The following EFHB variants were observed in gnomAD, a reference collection of about 807,000 sequenced individuals.
EFHB encodes the protein EF-hand domain-containing family member B.
Under a neutral mutation model 87.2 loss-of-function variants are expected in EFHB, and 91 were observed. That is an observed-to-expected ratio of 1.04 (90% CI 0.88 to 1.24). The LOEUF is 1.24. Among genes scored for constraint, EFHB ranks in the 50% most tolerant of loss-of-function variants. The probability of loss-of-function intolerance (pLI) is 0.00; values close to 1 mark genes in which losing one functional copy is unlikely to be tolerated. For synonymous variants in EFHB, 325 were observed against 333.6 expected (o/e 0.97, Z 0.28); for missense variants, 1,084 against 998.8 (o/e 1.09, Z -1.15).
At chr3:19,927,861 A>G (rs939252065) in intron 1 of EFHB, among the ~76,000 whole-genome samples, 5 of 151,808 alleles carry the variant, frequency 3.3e-5, no homozygotes, top group Admixed American at 1.3e-4. Context: ...TTCCTTTTTC[A>G]GCTGTTTGAG....
intron 5 of EFHB, among the ~76,000 whole-genome samples, chr3:19,914,844 C>G (rs1575027765): frequency 6.6e-6 from 1 of 152,074 alleles, no homozygotes. Context: ...AATCCCAGCA[C>G]TTTCGGAGGC....
At chr3:19,941,864 A>T (rs1255771555) in intron 1 of EFHB, among the ~76,000 whole-genome samples, 1 of 149,018 alleles carries the variant, frequency 6.7e-6, no homozygotes, top group Non-Finnish European at 1.5e-5. Context: ...TCAAAAAAAA[A>T]AAAAAAAGGC....
intron 1 of EFHB, among the ~76,000 whole-genome samples, chr3:19,926,906 C>T (rs1404905712): frequency 2.0e-5 from 3 of 152,020 alleles, no homozygotes; most frequent in Non-Finnish European, 1.5e-5. Context: ...GTGATCCACC[C>T]GCCTCGGCCT....
In EFHB at chr3:19,884,490, G is replaced by C. The variant is rs768104080; in HGVS notation, c.2059C>G (p.Leu687Val). The change falls in exon 11 of 13, where the codon CTT (leucine) becomes GTT (valine). Residue 687 changes from leucine (L) to valine (V), a missense_variant. Transcript: ENST00000295824. ...AGSTEKTLRT[L>V]LRPSDKVSNY... The stretch of plus-strand genomic sequence containing the variant: ...GAAACTTTATCACTTGGTCTCAGAA[G>C]TGTCCGGAGAGTCTTTTCTGTGCTT... 7 of 1,613,886 alleles carry C rather than the reference G, an allele frequency of 4.3e-6. No homozygotes were observed. Among genetic ancestry groups the C allele is most frequent in the Non-Finnish European group, 5.1e-6 (6 of 1,179,900 alleles).
chr3:19,900,925 T>TAAA (rs1263102203), intron 6 of EFHB, among the ~76,000 whole-genome samples: 2 of 108,126 alleles, frequency 1.8e-5, no homozygotes, highest in African/African-American at 7.9e-5. Flanking sequence ...TGAGCCTGTC[T>TAAA]CAAAAAAAAA....
At chr3:19,886,653 GCAAA>G (rs1227813639) in intron 10 of EFHB, among the ~76,000 whole-genome samples, 2 of 132,200 alleles carry the variant, frequency 1.5e-5, no homozygotes, top group Admixed American at 8.0e-5. Context: ...TCCAGCCTGG[GCAAA>G]CAGAGTGAGA....
chr3:19,893,193 G>A (rs1318497798), intron 9 of EFHB, among the ~76,000 whole-genome samples: 1 of 151,922 alleles, frequency 6.6e-6, no homozygotes, highest in Non-Finnish European at 1.5e-5. Context: ...TCAGGTGATT[G>A]GCCTCCCAAA....
At chr3:19,921,277 G>A (rs1002341520) in intron 1 of EFHB, among the ~76,000 whole-genome samples, 11 of 151,284 alleles carry the variant, frequency 7.3e-5, no homozygotes, top group African/African-American at 2.7e-4. Flanking sequence ...TAAGTGTTGA[G>A]TGTGGAATTC....
At chr3:19,946,619 A>C (rs1343231096) in intron 1 of EFHB, among the ~76,000 whole-genome samples, 1 of 152,036 alleles carries the variant, frequency 6.6e-6, no homozygotes, top group Admixed American at 6.5e-5. Context: ...CTTGGGGTAA[A>C]TGCGATTTAG....
chr3:19,939,183 T>G (rs145282052), upstream of EFHB, among the ~76,000 whole-genome samples: 967 of 151,670 alleles, frequency 6.4e-3, 12 homozygotes, highest in African/African-American at 0.022. Flanking sequence ...CTGGATTACA[T>G]GCACGAGTCA....
At chr3:19,907,298 G>T (rs1694872425) in intron 5 of EFHB, among the ~76,000 whole-genome samples, 1 of 152,088 alleles carries the variant, frequency 6.6e-6, no homozygotes. Context: ...TCTGATAGAG[G>T]GTTAATATTC....
chr3:19,920,648 C>T (rs945480654), intron 1 of EFHB, 81 bp from the exon 2 acceptor site: 1 of 1,146,610 alleles, frequency 8.7e-7, no homozygotes, highest in South Asian at 1.5e-5. Context: ...TCAAACTTGT[C>T]CTATGCCTCT....
chr3:19,911,923 C>A (rs114478030), intron 5 of EFHB, among the ~76,000 whole-genome samples: 2,524 of 152,056 alleles, frequency 0.017, 64 homozygotes, highest in African/African-American at 0.056. Flanking sequence ...CTAGCCTGAG[C>A]AACATAGTGA....
chr3:19,920,201 C>G (rs540618420), intron 2 of EFHB, among the ~76,000 whole-genome samples: 48 of 152,212 alleles, frequency 3.2e-4, no homozygotes, highest in Middle Eastern at 3.4e-3. Context: ...GTGTCCTAAA[C>G]AACATATTTT....
In EFHB at chr3:19,898,660, T is replaced by C. The variant is rs1694563758; in HGVS notation, c.1570+118A>G. On this transcript the variant is annotated intron_variant, in intron 8 of 12. Transcript: ENST00000295824. ...TCTCATTAATGTTAATGCAACATTT[T>C]AAGTCTTTAAAATTAGAAGCTTTGA... The C allele has an allele frequency of 3.9e-6, 4 of 1,015,186 alleles. No individual in the cohort carries two copies. In the East Asian group the frequency reaches 9.9e-5, roughly 25 times the overall value. 62.9% of individuals were successfully genotyped at this position (1,015,186 alleles called of 1,614,324 possible). A position where few individuals can be genotyped will look rare whatever the true frequency, so the allele number is the denominator to read the frequency against.
chr3:19,882,838 G>T (rs2071714798), intron 11 of EFHB, 107 bp from the exon 12 acceptor site: 2 of 964,938 alleles, frequency 2.1e-6, no homozygotes, highest in Admixed American at 3.6e-5. Flanking sequence ...TAGCTAGGAA[G>T]AATTTTGGTG....
At chr3:19,899,398 GA>G (rs757549323) in intron 7 of EFHB, 33 bp downstream of exon 7, 2 of 1,493,508 alleles carry the variant, frequency 1.3e-6, no homozygotes, top group African/African-American at 2.8e-5. Flanking sequence ...TCTATGCAAA[GA>G]AACTATCAAT....
chr3:19,884,753 A>C, intron 10 of EFHB, 138 bp from the exon 11 acceptor site: 1 of 731,312 alleles, frequency 1.4e-6, no homozygotes. Context: ...CCACTGACCC[A>C]ACACCCAACT....
upstream of EFHB, among the ~76,000 whole-genome samples, chr3:19,936,901 AAATAAATAAAT>A (rs1405491077): frequency 4.7e-5 from 7 of 149,834 alleles, no homozygotes; most frequent in Admixed American, 3.3e-4. Context: ...ATAAATAAAT[AAATAAATAAAT>A]AAAAAGTGAG....
Sources: allele counts gnomAD v4.1 joint callset (sites outside exome capture counted in the v4.1 genomes callset), GRCh38; gene constraint gnomAD v4.1.1; transcripts MANE v1.5; gene names NCBI Gene and HGNC (gene_info 2026-07-23, HGNC 2026-07-21).